Variants in FHIP1A observed in about 807,000 individuals in gnomAD.
The protein encoded by FHIP1A is FHF complex subunit HOOK interacting protein 1A.
FHIP1A carries 61 observed loss-of-function variants against 88.6 expected under a neutral mutation model. The observed-to-expected ratio is 0.69, with a 90% confidence interval of 0.56 to 0.85. The LOEUF (loss-of-function observed/expected upper bound fraction) is 0.85, where lower values mean the gene tolerates loss of function less well. Among genes scored for constraint, FHIP1A ranks in the 40% least tolerant of loss-of-function variants. The probability of loss-of-function intolerance (pLI) is 0.00; values close to 1 mark genes in which losing one functional copy is unlikely to be tolerated. For synonymous variants in FHIP1A, 478 were observed against 496.0 expected (o/e 0.96, Z 0.48); for missense variants, 1,154 against 1,273.5 (o/e 0.91, Z 1.43).
intron 1 of FHIP1A, among the ~76,000 whole-genome samples, chr4:151,438,605 CTTTTTT>C (rs200467402): frequency 3.0e-5 from 4 of 132,462 alleles, no homozygotes; most frequent in Non-Finnish European, 6.3e-5. Context: ...CGGTTTTTGC[CTTTTTT>C]TTTTTTTTTT....
chr4:151,558,955 T>A (rs1176036946), intron 3 of FHIP1A, among the ~76,000 whole-genome samples: 1 of 152,236 alleles, frequency 6.6e-6, no homozygotes, highest in Non-Finnish European at 1.5e-5. Context: ...AAAATAAGAC[T>A]ACCACTCTTC....
intron 6 of FHIP1A, 48 bp downstream of exon 6, chr4:151,586,847 C>CAT (rs2126805669): frequency 1.6e-6 from 2 of 1,274,254 alleles, no homozygotes; most frequent in Non-Finnish European, 2.1e-6. Context: ...TCATTCAGAG[C>CAT]ACAAGCACTG....
Position 151,656,997 on chromosome 4 carries a change from CTAGAAGCATT to C in FHIP1A, c.2869+100_2869+109del. On this transcript the variant is annotated intron_variant, in intron 13 of 13. Transcript: ENST00000435205. This position sits in a 1 kb window ranked among gnomAD's most constrained non-coding sequence, Gnocchi z 4.2. Reference sequence around the variant, plus strand: ...CAGATGCTGCACTGGCTTCTGGATCCTAGAAGCATTCAGAGATATTTTCATTTTTATGCAA... The same window carrying C: ...CAGATGCTGCACTGGCTTCTGGATCCCAGAGATATTTTCATTTTTATGCAA... 8.4e-7 allele frequency: 1 copy of C among 1,191,134 alleles called. No homozygotes were observed. The allele number at this position is 1,191,134 out of a possible 1,614,324, so 73.8% of individuals were successfully genotyped here.
chr4:151,456,217 C>T (rs527444117), intron 2 of FHIP1A, among the ~76,000 whole-genome samples: 6 of 152,194 alleles, frequency 3.9e-5, no homozygotes, highest in African/African-American at 7.2e-5. Context: ...CTGTCATTCC[C>T]GAAAGTCTAT....
In FHIP1A at chr4:151,629,702, G is replaced by A. The variant is rs1736078869; in HGVS notation, c.979G>A (p.Val327Met). 3.2e-6 allele frequency: 5 copies of A among 1,550,624 alleles called. No individual in the cohort carries two copies. The highest frequency in any genetic ancestry group is 3.5e-6 in the Non-Finnish European group (4 of 1,146,454). Residue 327 changes from valine to methionine, a missense_variant and splice_region_variant, in exon 8 of 14, where the codon GTG (valine) becomes ATG (methionine). By Grantham distance (21) the Val-to-Met change is conservative (BLOSUM62 1). Coordinates refer to ENST00000435205, the MANE Select transcript of FHIP1A (RefSeq NM_001109977.3). Reference sequence around the variant, plus strand: ...GTGCTCACTCCGTTGTTTGTCCTAGGTGACTGTGGAAGAGGTCATGACCAC... The same window carrying A: ...GTGCTCACTCCGTTGTTTGTCCTAGATGACTGTGGAAGAGGTCATGACCAC... ...VPVLAPALHK[V>M]TVEEVMTTTA...
At chr4:151,517,022 A>G (rs1363030906) in intron 3 of FHIP1A, among the ~76,000 whole-genome samples, 1 of 152,220 alleles carries the variant, frequency 6.6e-6, no homozygotes, top group Non-Finnish European at 1.5e-5. Context: ...TTGCGGCACT[A>G]TTCTCAATAG....
At chr4:151,605,340 C>G (rs1313003065) in intron 7 of FHIP1A, among the ~76,000 whole-genome samples, 4 of 152,094 alleles carry the variant, frequency 2.6e-5, no homozygotes, top group African/African-American at 4.8e-5. Flanking sequence ...GTAGAGACAT[C>G]GAGGTGAATG....
At chr4:151,609,721 A>G (rs1369520726) in intron 7 of FHIP1A, among the ~76,000 whole-genome samples, 1 of 152,164 alleles carries the variant, frequency 6.6e-6, no homozygotes, top group Non-Finnish European at 1.5e-5. Flanking sequence ...ACCTGGGCAT[A>G]TTGTTATGTG....
At chr4:151,434,528 A>G (rs1037749080) in intron 1 of FHIP1A, among the ~76,000 whole-genome samples, 5 of 152,312 alleles carry the variant, frequency 3.3e-5, no homozygotes, top group African/African-American at 1.2e-4. Flanking sequence ...ATTCAGGAGT[A>G]AATATTTTCA....
chr4:151,607,836 C>A (rs927669380), intron 7 of FHIP1A, among the ~76,000 whole-genome samples: 1 of 152,028 alleles, frequency 6.6e-6, no homozygotes, highest in Admixed American at 6.6e-5. Flanking sequence ...ATTTAAGTAA[C>A]CAGCTGAATC....
rs376569363 is a variant in FHIP1A, at chr4:151,588,466, A to C, written c.892-374A>C. ...GTGATTTAGAAGAAAGTAAGGGGCAAAAATTATACTTTCCAGTTTGTTAAC... is the reference window on the plus strand; with the variant it reads ...GTGATTTAGAAGAAAGTAAGGGGCACAAATTATACTTTCCAGTTTGTTAAC... On this transcript the variant is annotated intron_variant, in intron 6 of 13. Transcript: ENST00000435205. Among the ~76,000 whole-genome samples the C allele has an allele frequency of 2.5e-4, 38 of 152,280 alleles. No individual in the cohort carries two copies. In the South Asian group the frequency reaches 7.7e-3, roughly 31 times the overall value.
intron 5 of FHIP1A, among the ~76,000 whole-genome samples, chr4:151,579,877 G>T (rs1169228023): frequency 6.6e-6 from 1 of 152,044 alleles, no homozygotes; most frequent in Non-Finnish European, 1.5e-5. Flanking sequence ...TTAATATTTT[G>T]CCATCCTTTG....
At chr4:151,620,524 T>C (rs1735697772) in intron 7 of FHIP1A, among the ~76,000 whole-genome samples, 1 of 152,196 alleles carries the variant, frequency 6.6e-6, no homozygotes, top group South Asian at 2.1e-4. Flanking sequence ...GTATAGCTCT[T>C]CTTGCCTGGT....
In FHIP1A at chr4:151,510,571, G is replaced by A. The variant is rs1006147708; in HGVS notation, c.-123+27923G>A. Among the ~76,000 whole-genome samples the A allele has an allele frequency of 4.4e-4, 67 of 152,122 alleles. 1 individual carries two copies. Among genetic ancestry groups the A allele is most frequent in the Admixed American group, 3.0e-3 (46 of 15,280 alleles). ...TGCAGTTTGATGTGTGATTTCTACT[G>A]AGTGCATTTTTTGAACCTCATCTGT... On this transcript the variant is annotated intron_variant, in intron 3 of 13. Coordinates refer to ENST00000435205, the MANE Select transcript of FHIP1A (RefSeq NM_001109977.3).
chr4:151,568,275 G>A (rs1162099299), intron 4 of FHIP1A, among the ~76,000 whole-genome samples: 5 of 152,204 alleles, frequency 3.3e-5, no homozygotes, highest in Admixed American at 2.6e-4. Flanking sequence ...TGAGTTGAAG[G>A]TAAGGATAAC....
intron 7 of FHIP1A, among the ~76,000 whole-genome samples, chr4:151,594,064 T>C (rs896337653): frequency 3.9e-5 from 6 of 152,160 alleles, no homozygotes; most frequent in Admixed American, 3.3e-4. Context: ...GGATTAGGTT[T>C]ATTGATTTGC....
rs546113523 is a variant in FHIP1A, at chr4:151,417,323, T to C, written c.-356+7858T>C. ...AAGTAGTGGCCCAAGATCTGTCTGA[T>C]TGGTTGCAGAAAGCGACCAAGCACC... On this transcript the variant is annotated intron_variant, in intron 1 of 13. Transcript: ENST00000435205. Among the ~76,000 whole-genome samples, 19 of 152,238 alleles carry C rather than the reference T, an allele frequency of 1.2e-4. No homozygotes were observed. In the South Asian group the frequency reaches 3.9e-3, roughly 32 times the overall value.
intron 3 of FHIP1A, among the ~76,000 whole-genome samples, chr4:151,556,607 G>A (rs189919771): frequency 1.1e-4 from 17 of 152,254 alleles, no homozygotes; most frequent in Admixed American, 1.0e-3. Context: ...AGCCCCTCCA[G>A]GGTAGTTATT....
intron 7 of FHIP1A, among the ~76,000 whole-genome samples, chr4:151,602,292 G>C (rs1734903440): frequency 6.6e-6 from 1 of 152,192 alleles, no homozygotes; most frequent in South Asian, 2.1e-4. Context: ...TTGCAGGACA[G>C]ATTCTGCCAT....
Sources: allele counts gnomAD v4.1 joint callset (sites outside exome capture counted in the v4.1 genomes callset), GRCh38; gene constraint gnomAD v4.1.1; non-coding constraint Gnocchi (gnomAD v3.1); transcripts MANE v1.5; gene names NCBI Gene and HGNC (gene_info 2026-07-23, HGNC 2026-07-21).